ANKRD31: variants seen among roughly 807,000 people sequenced by gnomAD.
ANKRD31 encodes ankyrin repeat domain 31.
Under a neutral mutation model 186.0 loss-of-function variants are expected in ANKRD31, and 147 were observed. That is an observed-to-expected ratio of 0.79 (90% CI 0.69 to 0.91). The LOEUF (loss-of-function observed/expected upper bound fraction) is 0.91, where lower values mean the gene tolerates loss of function less well. ANKRD31 is among the 40% of genes least tolerant of loss of function. The pLI is 0.00. For synonymous variants in ANKRD31, 673 were observed against 736.4 expected (o/e 0.91, Z 1.39); for missense variants, 1,986 against 2,148.8 (o/e 0.92, Z 1.50).
chr5:75,205,815 A>G (rs1375436312), intron 5 of ANKRD31, among the ~76,000 whole-genome samples: 1 of 152,118 alleles, frequency 6.6e-6, no homozygotes, highest in Non-Finnish European at 1.5e-5. Flanking sequence ...ACTCTGGAGG[A>G]ATCATTGGTA....
chr5:75,107,529 T>C lies in ANKRD31; in HGVS notation c.4332A>G (p.Lys1444=), dbSNP rs1451264941. 15 of 1,524,466 alleles carry C rather than the reference T, an allele frequency of 9.8e-6. No individual in the cohort carries two copies. Among genetic ancestry groups the C allele is most frequent in the Non-Finnish European group, 1.3e-5 (15 of 1,140,120 alleles). The allele number at this position is 1,524,466 out of a possible 1,614,324, so 94.4% of individuals were successfully genotyped here. A position where few individuals can be genotyped will look rare whatever the true frequency, so the allele number is the denominator to read the frequency against. The part of the protein sequence containing the change: ...KQKAERDDLA[K]KYRVSIESFK... ...TTTCTTTTTCTACTCACCTGTATTT[T>C]TTAGCCAGATCATCCCTTTCTGCTT... Residue 1444 remains lysine, a synonymous_variant, in exon 21 of 26, where the codon AAA becomes AAG. Coordinates refer to ENST00000506364, the MANE Select transcript of ANKRD31 (RefSeq NM_001372053.1).
intron 4 of ANKRD31, among the ~76,000 whole-genome samples, chr5:75,207,714 T>C (rs985967120): frequency 9.2e-5 from 14 of 152,190 alleles, no homozygotes; most frequent in African/African-American, 3.4e-4. Flanking sequence ...AACAAAAATA[T>C]AAATAAAGCC....
chr5:75,199,199 C>T (rs1166986228), intron 6 of ANKRD31, among the ~76,000 whole-genome samples: 2 of 152,106 alleles, frequency 1.3e-5, no homozygotes, highest in Non-Finnish European at 2.9e-5. Flanking sequence ...CAAAGTGAGA[C>T]TTTATCTCAC....
chr5:75,140,947 C>A (rs1267872350), intron 15 of ANKRD31, among the ~76,000 whole-genome samples: 1 of 152,170 alleles, frequency 6.6e-6, no homozygotes, highest in South Asian at 2.1e-4. Flanking sequence ...CTAAGCCATG[C>A]CTGATTCCTG....
Position 75,138,848 on chromosome 5 carries a change from G to A in ANKRD31, c.3731C>T (p.Ala1244Val), listed in dbSNP as rs1412627726. Residue 1244 changes from alanine (A) to valine (V), a missense_variant and splice_region_variant, in exon 16 of 26, where the codon GCA (alanine) becomes GTA (valine). Ala to Val is a moderately conservative substitution (Grantham distance 64). Coordinates refer to ENST00000506364, the MANE Select transcript of ANKRD31 (RefSeq NM_001372053.1). ...SGADVNLNDN[A>V]GWTPLHEASN... Reference sequence around the variant, plus strand: ...AATTAAATTAAAAGGATCCAAACCTGCATTATCATTTAGATTCACATCTGC... The same window carrying A: ...AATTAAATTAAAAGGATCCAAACCTACATTATCATTTAGATTCACATCTGC... The A allele has an allele frequency of 6.5e-7, 1 of 1,535,696 alleles. No individual in the cohort carries two copies.
At chr5:75,157,340 T>G (rs1017895064) in intron 11 of ANKRD31, among the ~76,000 whole-genome samples, 1 of 152,048 alleles carries the variant, frequency 6.6e-6, no homozygotes, top group East Asian at 1.9e-4. Flanking sequence ...AACTTAGAGG[T>G]TTGGCTGAGG....
At chr5:75,092,817 A>G (rs1490754154) in intron 22 of ANKRD31, among the ~76,000 whole-genome samples, 1 of 152,212 alleles carries the variant, frequency 6.6e-6, no homozygotes, top group Non-Finnish European at 1.5e-5. Context: ...CATTATAAAT[A>G]TGTTCAAGGA....
At chr5:75,135,571 C>T (rs1221216829) in intron 17 of ANKRD31, among the ~76,000 whole-genome samples, 4 of 152,006 alleles carry the variant, frequency 2.6e-5, no homozygotes, top group East Asian at 1.9e-4. Flanking sequence ...GAATCAATAT[C>T]GTGAAAATGG....
At chr5:75,095,460 C>T (rs931225457) in intron 22 of ANKRD31, among the ~76,000 whole-genome samples, 4 of 143,732 alleles carry the variant, frequency 2.8e-5, no homozygotes, top group Non-Finnish European at 3.0e-5. Flanking sequence ...GGCCACAGAG[C>T]GAGACTCCGT....
At chr5:75,157,604 A>G (rs1029481783) in intron 11 of ANKRD31, among the ~76,000 whole-genome samples, 1 of 152,210 alleles carries the variant, frequency 6.6e-6, no homozygotes, top group African/African-American at 2.4e-5. Flanking sequence ...AGAGAGTAGG[A>G]ATGTGACTCA....
intron 3 of ANKRD31, among the ~76,000 whole-genome samples, chr5:75,218,246 G>GA (rs1757079716): frequency 1.3e-5 from 2 of 152,158 alleles, no homozygotes; most frequent in Admixed American, 1.3e-4. Flanking sequence ...AACACAGTTA[G>GA]AAATGGCAAA....
chr5:75,207,696 T>A (rs1030692946), intron 4 of ANKRD31, among the ~76,000 whole-genome samples: 1 of 152,086 alleles, frequency 6.6e-6, no homozygotes, highest in Admixed American at 6.6e-5. Flanking sequence ...GTAGAAAGTA[T>A]GAACAAAAAC....
chr5:75,218,857 A>G (rs1482894993), intron 3 of ANKRD31, among the ~76,000 whole-genome samples: 1 of 152,200 alleles, frequency 6.6e-6, no homozygotes, highest in Non-Finnish European at 1.5e-5. Context: ...AATGTGATTC[A>G]TCAAACAGAA....
At chr5:75,087,781 T>C (rs1454484626) in intron 23 of ANKRD31, among the ~76,000 whole-genome samples, 5 of 152,174 alleles carry the variant, frequency 3.3e-5, no homozygotes, top group Non-Finnish European at 5.9e-5. Flanking sequence ...TCTTTAGGAA[T>C]TCATAATATA....
chr5:75,193,022 A>G (rs1457758680), intron 8 of ANKRD31, among the ~76,000 whole-genome samples: 2 of 152,020 alleles, frequency 1.3e-5, no homozygotes, highest in Non-Finnish European at 2.9e-5. Flanking sequence ...AGGATTAGTC[A>G]TCTACAAGTG....
At chr5:75,129,968 G>A (rs544171252) in intron 17 of ANKRD31, among the ~76,000 whole-genome samples, 1 of 152,348 alleles carries the variant, frequency 6.6e-6, no homozygotes, top group South Asian at 2.1e-4. Flanking sequence ...AGTGTGTTCA[G>A]AATTGGTGGG....
chr5:75,094,818 A>G (rs1001263199), intron 22 of ANKRD31, among the ~76,000 whole-genome samples: 2 of 152,174 alleles, frequency 1.3e-5, no homozygotes, highest in African/African-American at 2.4e-5. Flanking sequence ...AGAGACAAGT[A>G]AATTTAAAGT....
intron 22 of ANKRD31, among the ~76,000 whole-genome samples, chr5:75,096,691 T>C (rs1189215319): frequency 6.6e-6 from 1 of 152,170 alleles, no homozygotes. Flanking sequence ...TACTTTAAGT[T>C]CTAGGGTACC....
intron 10 of ANKRD31, among the ~76,000 whole-genome samples, chr5:75,171,506 T>G (rs1480969229): frequency 6.6e-6 from 1 of 151,862 alleles, no homozygotes. Flanking sequence ...AATGCTTATA[T>G]TAGGCAAAAA....
Sources: gnomAD v4.1 joint callset for allele counts (sites outside exome capture counted in the v4.1 genomes callset) on GRCh38, gnomAD v4.1.1 for gene constraint, MANE v1.5 for transcripts, NCBI Gene and HGNC (gene_info 2026-07-23, HGNC 2026-07-21) for gene names.